Variants in LUC7L2 observed in about 807,000 individuals in gnomAD.
The protein encoded by LUC7L2 is LUC7 like 2, pre-mRNA splicing factor.
A neutral mutation model predicts 52.8 loss-of-function variants in LUC7L2; 25 were observed. The ratio of observed to expected loss-of-function variants is 0.47; its 90% CI spans 0.34 to 0.66. The LOEUF is 0.66. LUC7L2 is among the 30% of genes least tolerant of loss of function. The pLI is 0.01. For synonymous variants in LUC7L2, 144 were observed against 160.9 expected, an observed-to-expected ratio of 0.89 and a Z score of 0.80; for missense variants, 328 against 497.8, an observed-to-expected ratio of 0.66 and a Z score of 3.25.
At chr7:139,376,390 C>T (rs1474915872) in intron 2 of LUC7L2, among the ~76,000 whole-genome samples, 5 of 152,096 alleles carry the variant, frequency 3.3e-5, no homozygotes, top group Non-Finnish European at 7.4e-5. Context: ...TTTTTAAAAG[C>T]ATGTTTTATT....
At chr7:139,353,801 C>CA (rs1036131077) in intron 1 of LUC7L2, among the ~76,000 whole-genome samples, 9 of 148,438 alleles carry the variant, frequency 6.1e-5, no homozygotes, top group East Asian at 2.0e-4. Flanking sequence ...CAAAAAAACC[C>CA]AAAAAAAACA....
intron 1 of LUC7L2, among the ~76,000 whole-genome samples, chr7:139,352,859 C>T (rs1309492415): frequency 2.0e-5 from 3 of 152,188 alleles, no homozygotes; most frequent in Non-Finnish European, 4.4e-5. Flanking sequence ...ATTTATCCAA[C>T]TAAAAGATAG....
intron 4 of LUC7L2, among the ~76,000 whole-genome samples, chr7:139,404,431 C>T (rs1275397323): frequency 6.6e-6 from 1 of 152,140 alleles, no homozygotes; most frequent in Non-Finnish European, 1.5e-5. Flanking sequence ...ATTGCTTGAA[C>T]CCAGGAGGCA....
chr7:139,391,830 G>A lies in LUC7L2; in HGVS notation c.157-6769G>A, dbSNP rs577522082. Among the ~76,000 whole-genome samples, 4 of 152,172 alleles carry A rather than the reference G, an allele frequency of 2.6e-5. 1 individual carries two copies. The highest frequency in any genetic ancestry group is 9.6e-5 in the African/African-American group (4 of 41,520). On this transcript the variant is annotated intron_variant, in intron 2 of 9. Coordinates refer to ENST00000354926, the MANE Select transcript of LUC7L2 (RefSeq NM_016019.5). ...TCGAACTCCTGGCCTCTAGTGATCT[G>A]CTTGCCTCAGGCTCCCATAGTGCTG...
chr7:139,381,308 A>G (rs921476930), intron 2 of LUC7L2, among the ~76,000 whole-genome samples: 1 of 152,128 alleles, frequency 6.6e-6, no homozygotes, highest in Admixed American at 6.5e-5. Flanking sequence ...TGCACTAAGG[A>G]TTTAGGAGTA....
intron 3 of LUC7L2, among the ~76,000 whole-genome samples, chr7:139,399,448 G>GTTTT (rs1794799799): frequency 1.2e-5 from 1 of 83,116 alleles, no homozygotes; most frequent in Non-Finnish European, 2.7e-5. Flanking sequence ...GTGTTTGGGG[G>GTTTT]ATTTTTTTTT....
At position 139,399,449 on chromosome 7, in the gene LUC7L2, A is replaced by ATTTTTTTTTTT. The variant is rs71169090; in HGVS notation, c.255+780_255+790dup. 5.5e-4 allele frequency among the ~76,000 whole-genome samples: 28 copies of ATTTTTTTTTTT among 50,456 alleles called. 3 individuals carry two copies. Among genetic ancestry groups the ATTTTTTTTTTT allele is most frequent in the East Asian group, 1.6e-3 (2 of 1,260 alleles). 33.1% of individuals were successfully genotyped at this position (50,456 alleles called of 152,430 possible). On this transcript the variant is annotated intron_variant, in intron 3 of 9. Coordinates refer to ENST00000354926, the MANE Select transcript of LUC7L2 (RefSeq NM_016019.5). ...GGACATGCATATGGGTGTTTGGGGGATTTTTTTTTTTTTTTTTTTTTTTTT... is the reference window on the plus strand; with the variant it reads ...GGACATGCATATGGGTGTTTGGGGGATTTTTTTTTTTTTTTTTTTTTTTTTTTTTTTTTTTT...
chr7:139,420,303 A>C (rs1313789477), intron 9 of LUC7L2, among the ~76,000 whole-genome samples: 2 of 152,142 alleles, frequency 1.3e-5, no homozygotes, highest in East Asian at 3.9e-4. Context: ...TTGCGGGTTC[A>C]AGCGATTCTT....
At chr7:139,381,571 G>A (rs1239717712) in intron 2 of LUC7L2, among the ~76,000 whole-genome samples, 2 of 150,114 alleles carry the variant, frequency 1.3e-5, no homozygotes, top group East Asian at 2.0e-4. Context: ...CACTAGGCTC[G>A]GCTAATTTTT....
At chr7:139,340,494 C>G in exon 1 of LUC7L2, 1 of 398,554 alleles carries the variant, frequency 2.5e-6, no homozygotes, top group South Asian at 1.3e-4. Flanking sequence ...GTTCAACGTC[C>G]GGAGCATCGG....
In LUC7L2 at chr7:139,379,549, C is replaced by CTTTTTTTTTTTTTTTTTTT. The variant is rs539771697; in HGVS notation, c.156+3413_156+3431dup. On this transcript the variant is annotated intron_variant, in intron 2 of 9. Transcript: ENST00000354926. ...TTTCATTATTCTAGTATAACTAATG[C>CTTTTTTTTTTTTTTTTTTT]TTTTTTTTTTTTTTTTTTTTTTTTT... 3.8e-5 allele frequency among the ~76,000 whole-genome samples: 2 copies of CTTTTTTTTTTTTTTTTTTT among 52,684 alleles called. 1 individual carries two copies. The highest frequency in any genetic ancestry group is 6.3e-5 in the Non-Finnish European group (2 of 31,542). 34.6% of individuals were successfully genotyped at this position (52,684 alleles called of 152,430 possible). A position where few individuals can be genotyped will look rare whatever the true frequency, so the allele number is the denominator to read the frequency against.
intron 1 of LUC7L2, among the ~76,000 whole-genome samples, chr7:139,342,648 G>C (rs370316000): frequency 1.3e-5 from 2 of 152,164 alleles, no homozygotes; most frequent in South Asian, 4.1e-4. Flanking sequence ...TTTTAGTGGA[G>C]ACGGGGTTTC....
intron 1 of LUC7L2, among the ~76,000 whole-genome samples, chr7:139,367,259 A>T (rs935746516): frequency 6.6e-6 from 1 of 152,166 alleles, no homozygotes; most frequent in Non-Finnish European, 1.5e-5. Flanking sequence ...GGCGTGAACC[A>T]CCATGCCTGG....
intron 2 of LUC7L2, among the ~76,000 whole-genome samples, chr7:139,385,311 CTTTTTT>C (rs58744665): frequency 9.3e-5 from 11 of 118,560 alleles, no homozygotes; most frequent in South Asian, 2.9e-4. Flanking sequence ...GTTAGGATTA[CTTTTTT>C]TTTTTTTTTT....
Position 139,419,873 on chromosome 7 carries a change from C to T in LUC7L2, c.1001+2144C>T, listed in dbSNP as rs188459904. ...GAATTCAAATTATTCTCTTTTAAAG[C>T]ATCATTCTTTGTTTTATACTAAAAA... On this transcript the variant is annotated intron_variant, in intron 9 of 9. Transcript: ENST00000354926. 3.9e-5 allele frequency among the ~76,000 whole-genome samples: 6 copies of T among 152,254 alleles called. No individual in the cohort carries two copies. The East Asian group carries it at 1.2e-3, about 29-fold the overall frequency.
chr7:139,389,913 G>T (rs1794357281), intron 2 of LUC7L2, among the ~76,000 whole-genome samples: 1 of 152,142 alleles, frequency 6.6e-6, no homozygotes, highest in African/African-American at 2.4e-5. Flanking sequence ...TGAAGTACTT[G>T]AGAAAACAGA....
At chr7:139,402,560 T>G (rs541749549) in intron 4 of LUC7L2, among the ~76,000 whole-genome samples, 3 of 152,344 alleles carry the variant, frequency 2.0e-5, no homozygotes, top group African/African-American at 7.2e-5. Flanking sequence ...AGAGTTTTGC[T>G]GTGTTGCCCA....
At chr7:139,412,452 TTAATG>T (rs1157597105) in intron 7 of LUC7L2, 94 bp from the exon 8 acceptor site, 9 of 1,419,916 alleles carry the variant, frequency 6.3e-6, no homozygotes, top group Non-Finnish European at 7.6e-6. Flanking sequence ...ATTTATAAAA[TTAATG>T]TAAACATTAG....
intron 1 of LUC7L2, among the ~76,000 whole-genome samples, chr7:139,350,590 G>T (rs28694279): frequency 0.63 from 94,966 of 151,380 alleles, 31,805 homozygotes; most frequent in African/African-American, 0.88. Context: ...GTGGATCTTA[G>T]TTATTTTTTA....
Sources: allele counts gnomAD v4.1 joint callset (sites outside exome capture counted in the v4.1 genomes callset), GRCh38; gene constraint gnomAD v4.1.1; transcripts MANE v1.5; gene names NCBI Gene and HGNC (gene_info 2026-07-23, HGNC 2026-07-21).